The following CCDC63 variants were observed in gnomAD, a reference collection of about 807,000 sequenced individuals.
CCDC63 encodes the protein coiled-coil domain-containing protein 63.
A neutral mutation model predicts 63.6 loss-of-function variants in CCDC63; 54 were observed. The observed-to-expected ratio is 0.85, with a 90% CI of 0.68 to 1.07. The LOEUF is 1.07. Among genes scored for constraint, CCDC63 ranks in the 50% least tolerant of loss-of-function variants. The pLI is 0.00. For synonymous variants in CCDC63, 253 were observed against 266.1 expected (o/e 0.95, Z 0.48); for missense variants, 637 against 689.6 (o/e 0.92, Z 0.86).
intron 1 of CCDC63, among the ~76,000 whole-genome samples, chr12:110,851,455 C>T (rs960357779): frequency 6.6e-6 from 1 of 152,146 alleles, no homozygotes; most frequent in African/African-American, 2.4e-5. Context: ...TTCCACCATT[C>T]ACTCTGGTTG....
At chr12:110,871,736 C>A (rs1468761068) in intron 4 of CCDC63, among the ~76,000 whole-genome samples, 1 of 152,058 alleles carries the variant, frequency 6.6e-6, no homozygotes, top group Non-Finnish European at 1.5e-5. Context: ...TCACCAAGAT[C>A]AAGAGGTAGA....
chr12:110,854,450 A>G (rs950755875), intron 3 of CCDC63, among the ~76,000 whole-genome samples: 5 of 151,958 alleles, frequency 3.3e-5, no homozygotes, highest in Admixed American at 2.0e-4. Flanking sequence ...GCCCACCACC[A>G]TGCCTGGCTA....
chr12:110,872,605 T>C (rs1410576089), intron 4 of CCDC63, among the ~76,000 whole-genome samples: 1 of 152,216 alleles, frequency 6.6e-6, no homozygotes, highest in Non-Finnish European at 1.5e-5. Flanking sequence ...TCTGTGTGTG[T>C]ACATAGAAAA....
At chr12:110,872,627 TTTTG>T (rs567266236) in intron 4 of CCDC63, among the ~76,000 whole-genome samples, 2 of 152,090 alleles carry the variant, frequency 1.3e-5, no homozygotes, top group African/African-American at 4.8e-5. Context: ...ATAGTTGTGT[TTTTG>T]TTTGTTTGTT....
At chr12:110,887,802 T>C (rs748061504) in intron 8 of CCDC63, among the ~76,000 whole-genome samples, 4 of 152,036 alleles carry the variant, frequency 2.6e-5, no homozygotes, top group Non-Finnish European at 4.4e-5. Flanking sequence ...TTTCACCATG[T>C]TGGCCAGGAT....
chr12:110,856,366 A>G (rs371181205), intron 3 of CCDC63, among the ~76,000 whole-genome samples: 13 of 152,018 alleles, frequency 8.6e-5, no homozygotes, highest in Middle Eastern at 3.4e-3. Context: ...GATTACAGGC[A>G]TGAGCCACGG....
chr12:110,865,613 A>G (rs957938483), intron 4 of CCDC63, among the ~76,000 whole-genome samples: 1 of 152,242 alleles, frequency 6.6e-6, no homozygotes, highest in Non-Finnish European at 1.5e-5. Flanking sequence ...ACAACCGTTA[A>G]CTAAATAGTG....
chr12:110,881,972 G>T (rs932023585), intron 7 of CCDC63, among the ~76,000 whole-genome samples: 35 of 152,262 alleles, frequency 2.3e-4, no homozygotes, highest in Middle Eastern at 3.4e-3. Flanking sequence ...TTTAGAAGGA[G>T]ACTTATTGTC....
chr12:110,905,613 C>G (rs868657710), intron 11 of CCDC63, among the ~76,000 whole-genome samples: 2 of 151,596 alleles, frequency 1.3e-5, no homozygotes, highest in South Asian at 4.1e-4. Context: ...CTCATCCACC[C>G]ATGCAGTGGA....
At chr12:110,892,373 C>G (rs1047625419) in intron 8 of CCDC63, among the ~76,000 whole-genome samples, 1 of 151,374 alleles carries the variant, frequency 6.6e-6, no homozygotes, top group South Asian at 2.1e-4. Flanking sequence ...TGTAGGAGTT[C>G]GAGACCAGCC....
Position 110,907,220 on chromosome 12 carries a change from G to A in CCDC63, c.1547-111G>A. The A allele has an allele frequency of 9.6e-7, 1 of 1,045,654 alleles. No individual in the cohort carries two copies. The highest frequency in any genetic ancestry group is 2.6e-5 in the Admixed American group (1 of 38,082). The allele number at this position is 1,045,654 out of a possible 1,614,324, so 64.8% of individuals were successfully genotyped here. ...TTCATTCTCCCCCTCCTTGAAACCTGAGAATTTCCATGCTCCACTCCCCAG... is the reference window on the plus strand; with the variant it reads ...TTCATTCTCCCCCTCCTTGAAACCTAAGAATTTCCATGCTCCACTCCCCAG... On this transcript the variant is annotated intron_variant, in intron 11 of 11. Coordinates refer to ENST00000308208, the MANE Select transcript of CCDC63 (RefSeq NM_152591.3). The surrounding 1 kb of genome is among the most constrained non-coding windows in gnomAD (Gnocchi z 4.4).
At chr12:110,885,953 TAAC>T (rs2071273405) in intron 8 of CCDC63, among the ~76,000 whole-genome samples, 1 of 152,182 alleles carries the variant, frequency 6.6e-6, no homozygotes, top group African/African-American at 2.4e-5. Flanking sequence ...TAAGTAATAA[TAAC>T]AGTAAACAAA....
intron 4 of CCDC63, among the ~76,000 whole-genome samples, chr12:110,859,693 G>A (rs1394716274): frequency 6.6e-6 from 1 of 151,886 alleles, no homozygotes; most frequent in African/African-American, 2.4e-5. Context: ...AAAAGAAAAA[G>A]CAAGAGAAAA....
intron 8 of CCDC63, among the ~76,000 whole-genome samples, chr12:110,887,094 TA>T (rs2071291933): frequency 6.6e-6 from 1 of 152,194 alleles, no homozygotes; most frequent in Non-Finnish European, 1.5e-5. Flanking sequence ...AACTTTTATT[TA>T]AAAAGCTACA....
intron 9 of CCDC63, among the ~76,000 whole-genome samples, chr12:110,895,275 G>A (rs1158581779): frequency 6.6e-6 from 1 of 152,042 alleles, no homozygotes; most frequent in East Asian, 1.9e-4. Flanking sequence ...CACCATACCC[G>A]GTTAATTTTT....
At chr12:110,885,871 G>A (rs993679699) in intron 8 of CCDC63, among the ~76,000 whole-genome samples, 1 of 152,208 alleles carries the variant, frequency 6.6e-6, no homozygotes, top group African/African-American at 2.4e-5. Flanking sequence ...TACTAGTGAT[G>A]AATTAATTTT....
chr12:110,876,105 CAAA>C (rs35045738), intron 5 of CCDC63, among the ~76,000 whole-genome samples: 14 of 86,710 alleles, frequency 1.6e-4, no homozygotes, highest in Non-Finnish European at 1.4e-4. Flanking sequence ...GAACCTGTCT[CAAA>C]AAAAAAAAAA....
chr12:110,868,151 G>T (rs1238014035), intron 4 of CCDC63, among the ~76,000 whole-genome samples: 14 of 148,760 alleles, frequency 9.4e-5, no homozygotes, highest in African/African-American at 3.5e-4. Context: ...GGGCAGAGAC[G>T]CTCCTCACTT....
upstream of CCDC63, among the ~76,000 whole-genome samples, chr12:110,844,737 T>G (rs935978170): frequency 6.6e-6 from 1 of 152,178 alleles, no homozygotes; most frequent in African/African-American, 2.4e-5. Flanking sequence ...CAACTGCTCC[T>G]GGTTACATAG....
Sources: gnomAD v4.1 joint callset for allele counts (sites outside exome capture counted in the v4.1 genomes callset) on GRCh38, gnomAD v4.1.1 for gene constraint, Gnocchi (gnomAD v3.1) non-coding constraint, MANE v1.5 for transcripts, NCBI Gene and HGNC (gene_info 2026-07-23, HGNC 2026-07-21) for gene names.